SNTG2: variants seen among roughly 807,000 people sequenced by gnomAD.
SNTG2 encodes gamma-2-syntrophin.
Under a neutral mutation model 70.9 loss-of-function variants are expected in SNTG2, and 74 were observed. The observed-to-expected ratio is 1.04, with a 90% confidence interval of 0.86 to 1.27. The LOEUF is 1.27. Among genes scored for constraint, SNTG2 ranks in the 50% most tolerant of loss-of-function variants. The pLI is 0.00. For synonymous variants in SNTG2, 278 were observed against 273.8 expected (o/e 1.02, Z -0.15); for missense variants, 717 against 690.7 (o/e 1.04, Z -0.43).
chr2:1,134,658 C>T (rs1039770337), intron 4 of SNTG2, among the ~76,000 whole-genome samples: 3 of 152,194 alleles, frequency 2.0e-5, no homozygotes, highest in Non-Finnish European at 4.4e-5. Context: ...GCCTAGCTGG[C>T]TTCACCCAGT....
At chr2:1,165,477 G>T in intron 6 of SNTG2, 71 bp from the exon 7 acceptor site, 1 of 1,379,310 alleles carries the variant, frequency 7.3e-7, no homozygotes, top group Non-Finnish European at 1.0e-6. Flanking sequence ...GAGGTAGAGA[G>T]ATTTTATTTT....
intron 13 of SNTG2, among the ~76,000 whole-genome samples, chr2:1,264,043 T>C (rs1408868429): frequency 6.6e-5 from 10 of 152,202 alleles, no homozygotes; most frequent in Non-Finnish European, 1.5e-4. Flanking sequence ...TATAAGTATG[T>C]TGGAAAATTT....
Position 951,040 on chromosome 2 carries a change from G to A in SNTG2, c.44G>A (p.Arg15His), listed in dbSNP as rs1236680351. Residue 15 changes from arginine to histidine, a missense_variant, in exon 1 of 17, where the codon CGC becomes CAC. Coordinates refer to ENST00000308624, the MANE Select transcript of SNTG2 (RefSeq NM_018968.4). ...CCGCCCCCGGCCGCCTCCCGCGGAC[G>A]CCAGGGCTGCCTGCTGGTACCTGCG... ...GPPPPAASRG[R>H]QGCLLVPART... 1.6e-6 allele frequency: 2 copies of A among 1,271,162 alleles called. No individual in the cohort carries two copies. The highest frequency in any genetic ancestry group is 9.9e-7 in the Non-Finnish European group (1 of 1,011,474). The allele number at this position is 1,271,162 out of a possible 1,614,324, so 78.7% of individuals were successfully genotyped here.
In SNTG2 at chr2:1,242,135, G is replaced by A. The variant is rs188641076; in HGVS notation, c.888+2359G>A. On this transcript the variant is annotated intron_variant, in intron 11 of 16. Transcript: ENST00000308624. ...AACTAGCCCTGCTATATCCGGATGC[G>A]CTTTTGGTGGAGGATGGTTTCACGT... 7.2e-5 allele frequency among the ~76,000 whole-genome samples: 11 copies of A among 152,248 alleles called. 1 individual carries two copies. The East Asian group carries it at 1.9e-3, about 27-fold the overall frequency.
rs564763637 is a variant in SNTG2, at chr2:1,131,225, TAGA to T, written c.326-6393_326-6391del. Among the ~76,000 whole-genome samples the T allele has an allele frequency of 6.1e-3, 929 of 152,300 alleles. 2 individuals are homozygous for T. Among genetic ancestry groups the T allele is most frequent in the Non-Finnish European group, 0.01 (712 of 68,028 alleles). On this transcript the variant is annotated intron_variant, in intron 4 of 16. Coordinates refer to ENST00000308624, the MANE Select transcript of SNTG2 (RefSeq NM_018968.4). ...TGAATTTGCTGAAGTCAGTTTTAATTAGAAGATGTGTTTTGACTGACAGTTCTT... is the reference window on the plus strand; with the variant it reads ...TGAATTTGCTGAAGTCAGTTTTAATTAGATGTGTTTTGACTGACAGTTCTT...
chr2:1,175,838 C>T (rs964873729), intron 8 of SNTG2, among the ~76,000 whole-genome samples: 5 of 152,132 alleles, frequency 3.3e-5, no homozygotes, highest in South Asian at 2.1e-4. Context: ...GGGCATGATT[C>T]GGTGCCATTT....
At chr2:1,099,123 C>T (rs1665592694) in intron 4 of SNTG2, among the ~76,000 whole-genome samples, 1 of 152,322 alleles carries the variant, frequency 6.6e-6, no homozygotes, top group African/African-American at 2.4e-5. Flanking sequence ...ATTCTGCATC[C>T]TTGTGGCTGG....
intron 1 of SNTG2, among the ~76,000 whole-genome samples, chr2:1,007,028 CAAAT>C (rs140776493): frequency 2.8e-4 from 17 of 61,402 alleles, no homozygotes; most frequent in South Asian, 7.7e-4. Flanking sequence ...AACTCCATCT[CAAAT>C]AAATAAATAA....
chr2:1,268,520 G>A (rs1175322870), intron 14 of SNTG2, among the ~76,000 whole-genome samples: 2 of 152,148 alleles, frequency 1.3e-5, no homozygotes, highest in East Asian at 1.9e-4. Context: ...TGATGCCAAT[G>A]TTTATTCTCA....
intron 9 of SNTG2, among the ~76,000 whole-genome samples, chr2:1,223,441 A>G (rs1449021432): frequency 1.3e-5 from 2 of 151,542 alleles, no homozygotes; most frequent in African/African-American, 4.8e-5. Flanking sequence ...CAGCCCGGGC[A>G]CTGATCTTGT....
At chr2:1,198,810 C>A (rs918598238) in intron 8 of SNTG2, among the ~76,000 whole-genome samples, 1 of 151,792 alleles carries the variant, frequency 6.6e-6, no homozygotes, top group Admixed American at 6.6e-5. Flanking sequence ...TAGAAATATA[C>A]AACCTACCAA....
chr2:1,278,913 C>T (rs1473366701), intron 14 of SNTG2, among the ~76,000 whole-genome samples: 1 of 72,912 alleles, frequency 1.4e-5, no homozygotes, highest in African/African-American at 3.8e-5. Flanking sequence ...TGCTGCATCC[C>T]CCCGGGACGC....
At chr2:1,159,534 G>GA (rs1670137440) in intron 6 of SNTG2, 1 of 152,098 alleles carries the variant, frequency 6.6e-6, no homozygotes, top group Non-Finnish European at 1.5e-5. Context: ...ATAGTAACGT[G>GA]AAAAATATTG....
chr2:1,215,243 C>A (rs1674302271), intron 9 of SNTG2, among the ~76,000 whole-genome samples: 1 of 152,100 alleles, frequency 6.6e-6, no homozygotes, highest in African/African-American at 2.4e-5. Flanking sequence ...ATAATGCTGG[C>A]CTCATAAAGG....
At chr2:990,223 T>C (rs1661446217) in intron 1 of SNTG2, among the ~76,000 whole-genome samples, 2 of 152,364 alleles carry the variant, frequency 1.3e-5, no homozygotes, top group African/African-American at 2.4e-5. Context: ...CTCTGTTTGC[T>C]TGGAGCCTGG....
At chr2:1,056,988 C>T (rs1231016887) in intron 1 of SNTG2, among the ~76,000 whole-genome samples, 8 of 94,428 alleles carry the variant, frequency 8.5e-5, no homozygotes, top group African/African-American at 1.7e-4. Context: ...GGGGCCACCC[C>T]GTGGGGAGGG....
At chr2:1,057,929 A>T (rs1207090317) in intron 1 of SNTG2, among the ~76,000 whole-genome samples, 2 of 152,184 alleles carry the variant, frequency 1.3e-5, no homozygotes, top group Non-Finnish European at 2.9e-5. Context: ...AGTCCCAGCT[A>T]CTCAGGAGAA....
chr2:956,972 C>T (rs1660183275), intron 1 of SNTG2, among the ~76,000 whole-genome samples: 1 of 152,208 alleles, frequency 6.6e-6, no homozygotes, highest in Non-Finnish European at 1.5e-5. Flanking sequence ...TATTTCTCAG[C>T]TGTATCCTGC....
chr2:1,175,627 C>G (rs1671423011), intron 8 of SNTG2, among the ~76,000 whole-genome samples: 1 of 152,182 alleles, frequency 6.6e-6, no homozygotes, highest in Non-Finnish European at 1.5e-5. Flanking sequence ...CCTACAGAGT[C>G]TTTTTAAAAT....
Sources: allele counts gnomAD v4.1 joint callset (sites outside exome capture counted in the v4.1 genomes callset), GRCh38; gene constraint gnomAD v4.1.1; transcripts MANE v1.5; gene names NCBI Gene and HGNC (gene_info 2026-07-23, HGNC 2026-07-21).